The following YWHAE variants were observed in gnomAD, a reference collection of about 807,000 sequenced individuals.
YWHAE encodes the protein tyrosine 3-monooxygenase/tryptophan 5-monooxygenase activation protein epsilon, also known as 14-3-3 protein epsilon.
Under a neutral mutation model 30.1 loss-of-function variants are expected in YWHAE, and 4 were observed. That is an observed-to-expected ratio of 0.13 (90% confidence interval 0.07 to 0.30). The LOEUF (loss-of-function observed/expected upper bound fraction) is 0.30. YWHAE is among the 10% of genes least tolerant of loss of function. The pLI is 1.00. For synonymous variants in YWHAE, 118 were observed against 111.8 expected (o/e 1.06, Z -0.35); for missense variants, 121 against 315.9 (o/e 0.38, Z 4.68).
chr17:1,386,770 T>C (rs2073306563), intron 1 of YWHAE, among the ~76,000 whole-genome samples: 1 of 152,128 alleles, frequency 6.6e-6, no homozygotes, highest in Non-Finnish European at 1.5e-5. Flanking sequence ...GCCAACACGG[T>C]GAAACACCCG....
chr17:1,394,460 A>AAAAC (rs1555647412), intron 1 of YWHAE, among the ~76,000 whole-genome samples: 3 of 137,628 alleles, frequency 2.2e-5, no homozygotes, highest in African/African-American at 8.6e-5. Flanking sequence ...AAAAAAAAAA[A>AAAAC]ACACAAAAAT....
rs1289131633 is a variant in YWHAE at position 1,358,768 on chromosome 17, T to C, written c.578+2324A>G. ...TCGCTTGAATCTGGGAGGTGGAGGT[T>C]GCAGTGAGCTGCGATCGCACCACTG... On this transcript the variant is annotated intron_variant, in intron 4 of 5. Coordinates refer to ENST00000264335, the MANE Select transcript of YWHAE (RefSeq NM_006761.5). 2.0e-5 allele frequency among the ~76,000 whole-genome samples: 3 copies of C among 146,896 alleles called. No individual in the cohort carries two copies. In the East Asian group the frequency reaches 6.0e-4, roughly 29 times the overall value.
At chr17:1,387,037 G>C (rs891554087) in intron 1 of YWHAE, among the ~76,000 whole-genome samples, 3 of 151,570 alleles carry the variant, frequency 2.0e-5, no homozygotes, top group African/African-American at 7.3e-5. Flanking sequence ...ATCAGCTTTT[G>C]CTAGGTTAAA....
chr17:1,369,780 A>G (rs985753811), intron 1 of YWHAE: 2 of 152,202 alleles, frequency 1.3e-5, no homozygotes, highest in African/African-American at 2.4e-5. Context: ...AGTCACATGA[A>G]TTTTTGTGTT....
chr17:1,397,228 T>C (rs1210151639), intron 1 of YWHAE, among the ~76,000 whole-genome samples: 1 of 152,192 alleles, frequency 6.6e-6, no homozygotes, highest in South Asian at 2.1e-4. Flanking sequence ...TACTATTTCA[T>C]ATACGGGACA....
chr17:1,392,310 G>T (rs981413916), intron 1 of YWHAE, among the ~76,000 whole-genome samples: 7 of 152,172 alleles, frequency 4.6e-5, no homozygotes, highest in African/African-American at 1.4e-4. Flanking sequence ...GGGAGGTTGA[G>T]GATGCAGTGA....
intron 1 of YWHAE, among the ~76,000 whole-genome samples, chr17:1,386,098 G>C (rs772435655): frequency 5.9e-5 from 9 of 152,272 alleles, no homozygotes; most frequent in Middle Eastern, 6.8e-3. Context: ...TGTAAAATGG[G>C]TAGTACTTTG....
intron 4 of YWHAE, among the ~76,000 whole-genome samples, chr17:1,358,756 G>A (rs567527429): frequency 6.6e-6 from 1 of 151,110 alleles, no homozygotes; most frequent in Non-Finnish European, 1.5e-5. Flanking sequence ...CTTGAATCTG[G>A]GAGGTGGAGG....
chr17:1,383,812 G>A (rs1182041993), intron 1 of YWHAE, among the ~76,000 whole-genome samples: 3 of 152,082 alleles, frequency 2.0e-5, no homozygotes, highest in African/African-American at 4.8e-5. Flanking sequence ...CGCAATCTCC[G>A]CACTTTGGGA....
intron 5 of YWHAE, among the ~76,000 whole-genome samples, chr17:1,352,927 G>A (rs559403878): frequency 1.3e-5 from 2 of 152,248 alleles, no homozygotes; most frequent in East Asian, 1.9e-4. Context: ...AAACTATCCT[G>A]TAATACTCCT....
At chr17:1,346,720 C>T (rs926711844) in intron 5 of YWHAE, among the ~76,000 whole-genome samples, 6 of 152,226 alleles carry the variant, frequency 3.9e-5, no homozygotes. Flanking sequence ...GGCACGGTGG[C>T]TCACGCCTGT....
intron 4 of YWHAE, 27 bp from the exon 5 acceptor site, chr17:1,354,374 TA>T: frequency 6.2e-7 from 1 of 1,601,610 alleles, no homozygotes; most frequent in Non-Finnish European, 8.5e-7. Context: ...AGAAGTGTTA[TA>T]AAAATTAAGT....
chr17:1,367,688 T>G (rs974700868), intron 1 of YWHAE, among the ~76,000 whole-genome samples: 9 of 151,948 alleles, frequency 5.9e-5, no homozygotes, highest in African/African-American at 2.2e-4. Flanking sequence ...GGGAGAAAAA[T>G]AATTAACTGA....
rs759089575 is a variant in YWHAE at position 1,345,196 on chromosome 17, G to A, written c.*251C>T. On this transcript the variant is annotated 3_prime_UTR_variant, in exon 6 of 6. Coordinates refer to ENST00000264335, the MANE Select transcript of YWHAE (RefSeq NM_006761.5). ...ACAGTAATGCTGAAAAAGCCTCTAT[G>A]TAGTCCTGTTAGTGTCTTAAAGAAC... 1.8e-6 allele frequency: 1 copy of A among 544,802 alleles called. No individual in the cohort carries two copies. The highest frequency in any genetic ancestry group is 3.2e-6 in the Non-Finnish European group (1 of 308,612). 33.7% of individuals were successfully genotyped at this position (544,802 alleles called of 1,614,324 possible).
chr17:1,357,502 C>A (rs1471558344), intron 4 of YWHAE, among the ~76,000 whole-genome samples: 3 of 150,244 alleles, frequency 2.0e-5, no homozygotes, highest in Non-Finnish European at 3.0e-5. Flanking sequence ...ATCGCCTGAA[C>A]CCAGGAGGCT....
intron 1 of YWHAE, among the ~76,000 whole-genome samples, chr17:1,376,314 A>G (rs1372176694): frequency 6.6e-6 from 1 of 152,194 alleles, no homozygotes; most frequent in Non-Finnish European, 1.5e-5. Flanking sequence ...GTCTGCCACC[A>G]TGAGAGAAAG....
intron 1 of YWHAE, among the ~76,000 whole-genome samples, chr17:1,389,272 A>G (rs1210305918): frequency 6.6e-6 from 1 of 152,150 alleles, no homozygotes; most frequent in Non-Finnish European, 1.5e-5. Flanking sequence ...CGTGGCCCCT[A>G]CTAACATTTA....
At chr17:1,381,122 C>A (rs2150868108) in intron 1 of YWHAE, among the ~76,000 whole-genome samples, 1 of 152,218 alleles carries the variant, frequency 6.6e-6, no homozygotes, top group South Asian at 2.1e-4. Context: ...CAGTGGCTCA[C>A]GTCTGTAATC....
intron 1 of YWHAE, among the ~76,000 whole-genome samples, chr17:1,376,493 CTTACT>C (rs1361689457): frequency 3.9e-5 from 6 of 152,282 alleles, no homozygotes; most frequent in Admixed American, 2.0e-4. Context: ...CCAAAAAAAG[CTTACT>C]TTATTCTTTT....
Sources: allele counts gnomAD v4.1 joint callset (sites outside exome capture counted in the v4.1 genomes callset), GRCh38; gene constraint gnomAD v4.1.1; transcripts MANE v1.5; gene names NCBI Gene and HGNC (gene_info 2026-07-23, HGNC 2026-07-21).